SLC16A10: variants seen among roughly 807,000 people sequenced by gnomAD.
SLC16A10 encodes the protein solute carrier family 16 member 10.
SLC16A10 carries 27 observed loss-of-function variants against 40.0 expected under a neutral mutation model. The ratio of observed to expected loss-of-function variants is 0.67; its 90% confidence interval spans 0.50 to 0.93. The LOEUF (loss-of-function observed/expected upper bound fraction) is 0.93. Ranked by LOEUF, SLC16A10 falls within the 40% of genes least tolerant of loss-of-function variation. The probability of loss-of-function intolerance (pLI) is 0.00; values close to 1 mark genes in which losing one functional copy is unlikely to be tolerated. For missense variants in SLC16A10, 529 were observed against 658.2 expected (o/e 0.80, Z 2.15); for synonymous variants, 213 against 249.8 (o/e 0.85, Z 1.39).
At chr6:111,192,952 C>A (rs1394440793) in intron 3 of SLC16A10, among the ~76,000 whole-genome samples, 1 of 152,172 alleles carries the variant, frequency 6.6e-6, no homozygotes, top group Admixed American at 6.5e-5. Flanking sequence ...CACAGCCAAG[C>A]CATATTATAT....
At chr6:111,203,778 A>T (rs532608281) in intron 3 of SLC16A10, among the ~76,000 whole-genome samples, 133 of 144,082 alleles carry the variant, frequency 9.2e-4, no homozygotes, top group African/African-American at 3.2e-3. Context: ...TAGTTGAAAA[A>T]CTAAGTTCCT....
intron 3 of SLC16A10, among the ~76,000 whole-genome samples, chr6:111,186,433 T>C (rs995797022): frequency 6.6e-6 from 1 of 152,230 alleles, no homozygotes; most frequent in Non-Finnish European, 1.5e-5. Flanking sequence ...TGTTTTGATA[T>C]GGGATGAATA....
chr6:111,222,050 G>A lies in SLC16A10; in HGVS notation c.1363G>A (p.Ala455Thr), dbSNP rs753502851. Residue 455 changes from alanine (A) to threonine (T), a missense_variant, in exon 6 of 6, where the codon GCT becomes ACT. Transcript: ENST00000368851. ...CTCCTATGATGTGGCATTCTACCTC[G>A]CTGGAGTCCCTCCCCTTATTGGAGG... Reference protein sequence around the residue: ...LGSYDVAFYLAGVPPLIGGAV... With the variant: ...LGSYDVAFYLTGVPPLIGGAV... 2 of 1,610,166 alleles carry A rather than the reference G, an allele frequency of 1.2e-6. No individual in the cohort carries two copies. Among genetic ancestry groups the A allele is most frequent in the Non-Finnish European group, 1.7e-6 (2 of 1,178,984 alleles).
At chr6:111,119,795 T>C (rs1419164885) in intron 1 of SLC16A10, among the ~76,000 whole-genome samples, 4 of 152,234 alleles carry the variant, frequency 2.6e-5, no homozygotes, top group Non-Finnish European at 5.9e-5. Flanking sequence ...GATACACTCA[T>C]TGAGAAAATG....
chr6:111,143,264 T>C (rs1772016056), intron 1 of SLC16A10, among the ~76,000 whole-genome samples: 1 of 151,716 alleles, frequency 6.6e-6, no homozygotes, highest in Non-Finnish European at 1.5e-5. Flanking sequence ...TTTTGAGAGA[T>C]TGGGTCTTGC....
chr6:111,218,219 AT>A (rs998826372), intron 4 of SLC16A10, among the ~76,000 whole-genome samples: 21 of 150,520 alleles, frequency 1.4e-4, no homozygotes, highest in Admixed American at 2.7e-4. Context: ...CCAAAGATGA[AT>A]TTTTTTTTTG....
chr6:111,218,724 A>G, intron 4 of SLC16A10, 90 bp from the exon 5 acceptor site: 3 of 1,038,598 alleles, frequency 2.9e-6, no homozygotes, highest in Non-Finnish European at 4.5e-6. Context: ...AGGGGGAACC[A>G]GTAATGACTT....
intron 1 of SLC16A10, among the ~76,000 whole-genome samples, chr6:111,108,093 C>A (rs939292504): frequency 2.0e-5 from 3 of 151,544 alleles, no homozygotes; most frequent in Admixed American, 2.0e-4. Context: ...AATCTTGGCT[C>A]ACTGCAACCT....
chr6:111,177,445 T>C lies in SLC16A10; in HGVS notation c.722T>C (p.Met241Thr), dbSNP rs866791136. 3 of 1,614,132 alleles carry C rather than the reference T, an allele frequency of 1.9e-6. No homozygotes were observed. The highest frequency in any genetic ancestry group is 1.1e-5 in the South Asian group (1 of 91,090). ...FYTLRVLCIF[M>T]FVLFLAGFTY... Reference sequence around the variant, plus strand: ...ACATTGAGGGTGCTCTGCATCTTCATGTTTGTTCTCTTTCTGGCTGGCTTT... The same window carrying C: ...ACATTGAGGGTGCTCTGCATCTTCACGTTTGTTCTCTTTCTGGCTGGCTTT... The change falls in exon 3 of 6, where the codon ATG (methionine) becomes ACG (threonine). Residue 241 changes from methionine (M) to threonine (T), a missense_variant. Coordinates refer to ENST00000368851, the MANE Select transcript of SLC16A10 (RefSeq NM_018593.5).
intron 5 of SLC16A10, among the ~76,000 whole-genome samples, chr6:111,221,514 G>A (rs1036122310): frequency 8.5e-5 from 13 of 152,156 alleles, no homozygotes; most frequent in Non-Finnish European, 1.6e-4. Flanking sequence ...GGGAGGCTGA[G>A]GTGGGAGGAT....
At chr6:111,116,967 G>T (rs1771497830) in intron 1 of SLC16A10, among the ~76,000 whole-genome samples, 1 of 152,130 alleles carries the variant, frequency 6.6e-6, no homozygotes, top group African/African-American at 2.4e-5. Flanking sequence ...AGCAGTACAT[G>T]TATTGATTAT....
chr6:111,229,051 A>T lies in SLC16A10; in HGVS notation c.*6816A>T, dbSNP rs940483231. ...TCTCAAAAAAAAAAAAAAAAAAAAT[A>T]GTGCTGCATTTTGACCCTGGACTAT... On this transcript the variant is annotated 3_prime_UTR_variant, in exon 6 of 6. Transcript: ENST00000368851. 1 of 143,168 alleles carries T rather than the reference A, an allele frequency of 7.0e-6. No homozygotes were observed. Among genetic ancestry groups the T allele is most frequent in the Non-Finnish European group, 1.5e-5 (1 of 64,822 alleles). The allele number at this position is 143,168 out of a possible 1,614,324, so 8.9% of individuals were successfully genotyped here. A position where few individuals can be genotyped will look rare whatever the true frequency, so the allele number is the denominator to read the frequency against.
intron 1 of SLC16A10, among the ~76,000 whole-genome samples, chr6:111,104,455 A>C (rs1172053361): frequency 6.6e-6 from 1 of 152,190 alleles, no homozygotes; most frequent in African/African-American, 2.4e-5. Flanking sequence ...CTACATCTGG[A>C]GCCTGTGTCT....
chr6:111,163,368 G>T (rs917340503), intron 1 of SLC16A10, among the ~76,000 whole-genome samples: 1 of 151,554 alleles, frequency 6.6e-6, no homozygotes, highest in African/African-American at 2.4e-5. Context: ...TAGCCGGGAT[G>T]GTCTCGATCT....
Position 111,177,485 on chromosome 6 carries a change from T to G in SLC16A10, c.762T>G (p.Leu254=). 1 of 1,614,126 alleles carries G rather than the reference T, an allele frequency of 6.2e-7. No individual in the cohort carries two copies. The highest frequency in any genetic ancestry group is 8.5e-7 in the Non-Finnish European group (1 of 1,180,024). ...TGGCTGGCTTTACTTACCGACCTCT[T>G]GCTACCAGTACCAAAGATAAAGAGA... The part of the protein sequence containing the change: ...LFLAGFTYRP[L]ATSTKDKESG... The change falls in exon 3 of 6, where the codon CTT becomes CTG. Residue 254 remains leucine, a synonymous_variant. Transcript: ENST00000368851.
rs577033955 is a variant in SLC16A10 at position 111,172,680 on chromosome 6, T to C, written c.344-15T>C. 6.2e-6 allele frequency: 10 copies of C among 1,609,538 alleles called. No individual in the cohort carries two copies. In the African/African-American group the frequency reaches 1.2e-4, roughly 19 times the overall value. On this transcript the variant is annotated splice_polypyrimidine_tract_variant and intron_variant, in intron 1 of 5. Coordinates refer to ENST00000368851, the MANE Select transcript of SLC16A10 (RefSeq NM_018593.5). ...CCATGTCATAATTCCCCCCACGCTT[T>C]CCCTTCTTTTACAGCATGGGTAGGT...
At position 111,229,556 on chromosome 6, in the gene SLC16A10, CTA is replaced by C. The variant is rs1403975993; in HGVS notation, c.*7323_*7324del. On this transcript the variant is annotated 3_prime_UTR_variant, in exon 6 of 6. Transcript: ENST00000368851. Reference sequence around the variant, plus strand: ...TATGTAGACATTTGGACATTTGAAACTATTTCGCAACTTTCAGGCTAAAATCA... The same window carrying C: ...TATGTAGACATTTGGACATTTGAAACTTTCGCAACTTTCAGGCTAAAATCA... 8 of 152,202 alleles carry C rather than the reference CTA, an allele frequency of 5.3e-5. No homozygotes were observed. The highest frequency in any genetic ancestry group is 1.0e-4 in the Non-Finnish European group (7 of 68,038). The allele number at this position is 152,202 out of a possible 1,614,324, so 9.4% of individuals were successfully genotyped here.
intron 1 of SLC16A10, among the ~76,000 whole-genome samples, chr6:111,171,216 T>C (rs1772579835): frequency 6.6e-6 from 1 of 152,244 alleles, no homozygotes; most frequent in Non-Finnish European, 1.5e-5. Flanking sequence ...TGTGCTAATA[T>C]ATTTGGCCAA....
intron 3 of SLC16A10, 78 bp from the exon 4 acceptor site, chr6:111,206,514 A>G: frequency 6.6e-7 from 1 of 1,522,112 alleles, no homozygotes. Context: ...AGAGAAGCAA[A>G]TGCATTTGAT....
Sources: allele counts gnomAD v4.1 joint callset (sites outside exome capture counted in the v4.1 genomes callset), GRCh38; gene constraint gnomAD v4.1.1; transcripts MANE v1.5; gene names NCBI Gene and HGNC (gene_info 2026-07-23, HGNC 2026-07-21).